The following SERPINB5 variants were observed in gnomAD, a reference collection of about 807,000 sequenced individuals.
SERPINB5 encodes the protein serpin B5.
Under a neutral mutation model 32.2 loss-of-function variants are expected in SERPINB5, and 27 were observed. The observed-to-expected ratio is 0.84, with a 90% confidence interval of 0.62 to 1.16. The LOEUF (loss-of-function observed/expected upper bound fraction) is 1.16. SERPINB5 is among the 50% of genes most tolerant of loss of function. The probability of loss-of-function intolerance (pLI) is 0.00; values close to 1 mark genes in which losing one functional copy is unlikely to be tolerated. For missense variants in SERPINB5, 388 were observed against 436.3 expected, an observed-to-expected ratio of 0.89 and a Z score of 0.99; for synonymous variants, 154 against 157.4, an observed-to-expected ratio of 0.98 and a Z score of 0.16.
intron 6 of SERPINB5, among the ~76,000 whole-genome samples, chr18:63,500,520 A>T (rs1409215032): frequency 1.3e-5 from 2 of 151,460 alleles, no homozygotes; most frequent in East Asian, 3.8e-4. Flanking sequence ...TTATTATATT[A>T]TTTTATTTAT....
chr18:63,503,984 T>C lies in SERPINB5; in HGVS notation c.*262T>C, dbSNP rs1909629127. 2.3e-6 allele frequency: 1 copy of C among 435,866 alleles called. No homozygotes were observed. 27.0% of individuals were successfully genotyped at this position (435,866 alleles called of 1,614,324 possible). On this transcript the variant is annotated 3_prime_UTR_variant, in exon 7 of 7. Transcript: ENST00000382771. The stretch of plus-strand genomic sequence containing the variant: ...AATCACGTTAGAGGAAAAATATTTA[T>C]TCATTATTTGTCAAATTGTCCGGGG...
chr18:63,487,386 A>C (rs574100989), intron 3 of SERPINB5, among the ~76,000 whole-genome samples: 16 of 152,124 alleles, frequency 1.1e-4, no homozygotes, highest in Non-Finnish European at 2.2e-4. Context: ...CTCTCTAATA[A>C]ATGTAGCTCC....
intron 4 of SERPINB5, chr18:63,490,873 T>C (rs1428515642): frequency 6.6e-6 from 1 of 152,232 alleles, no homozygotes; most frequent in African/African-American, 2.4e-5. Flanking sequence ...TGGTTTTTGG[T>C]TACATGGATA....
At position 63,498,200 on chromosome 18, in the gene SERPINB5, C is replaced by T. The variant is rs1488714108; in HGVS notation, c.568-920C>T. On this transcript the variant is annotated intron_variant, in intron 5 of 6. Transcript: ENST00000382771. The surrounding 1 kb of genome is among the most constrained non-coding windows in gnomAD (Gnocchi z 4.2). ...TGGCTCCCAGGCTCAAGCAATTCTC[C>T]TCCCTCAGTTTCCCAAGAAGCTGAG... 2.6e-5 allele frequency among the ~76,000 whole-genome samples: 4 copies of T among 152,136 alleles called. No homozygotes were observed. Among genetic ancestry groups the T allele is most frequent in the African/African-American group, 9.7e-5 (4 of 41,430 alleles).
chr18:63,503,550 T>C lies in SERPINB5; in HGVS notation c.956T>C (p.Ile319Thr). 1.2e-6 allele frequency: 2 copies of C among 1,614,248 alleles called. No individual in the cohort carries two copies. Among genetic ancestry groups the C allele is most frequent in the Non-Finnish European group, 1.7e-6 (2 of 1,180,030 alleles). Reference sequence around the variant, plus strand: ...AAGGGAGTGGCCCTATCAAATGTTATCCACAAAGTGTGCTTAGAAATAACT... The same window carrying C: ...AAGGGAGTGGCCCTATCAAATGTTACCCACAAAGTGTGCTTAGAAATAACT... Reference protein sequence around the residue: ...ETKGVALSNVIHKVCLEITED... With the variant: ...ETKGVALSNVTHKVCLEITED... Residue 319 changes from isoleucine to threonine, a missense_variant, in exon 7 of 7, where the codon ATC becomes ACC. Ile to Thr is a moderately conservative substitution (Grantham distance 89). Transcript: ENST00000382771.
chr18:63,489,251 A>G (rs1164575668), intron 3 of SERPINB5, 96 bp from the exon 4 acceptor site: 5 of 680,024 alleles, frequency 7.4e-6, no homozygotes, highest in Non-Finnish European at 1.3e-5. Context: ...AAGTGTACAT[A>G]TAGCAGTTGA....
Position 63,503,343 on chromosome 18 carries a change from T to C in SERPINB5, c.749T>C (p.Leu250Pro), listed in dbSNP as rs752388583. Residue 250 changes from leucine (L) to proline (P), a missense_variant, in exon 7 of 7, where the codon CTC (leucine) becomes CCC (proline). Leu to Pro is a moderately conservative substitution (Grantham distance 98). Coordinates refer to ENST00000382771, the MANE Select transcript of SERPINB5 (RefSeq NM_002639.5). ...STGLEKIEKQ[L>P]NSESLSQWTN... ...TTTGTCCTTCAGATTGAAAAACAAC[T>C]CAACTCAGAGTCACTGTCACAGTGG... The C allele has an allele frequency of 1.9e-6, 3 of 1,609,776 alleles. No homozygotes were observed. Among genetic ancestry groups the C allele is most frequent in the East Asian group, 4.5e-5 (2 of 44,884 alleles).
At chr18:63,488,512 G>C (rs1441809516) in intron 3 of SERPINB5, among the ~76,000 whole-genome samples, 1 of 152,054 alleles carries the variant, frequency 6.6e-6, no homozygotes, top group African/African-American at 2.4e-5. Flanking sequence ...GCTTTCCATT[G>C]CTCCTGCTAG....
In SERPINB5 at chr18:63,480,442, GA is replaced by G. The variant is rs904772188; in HGVS notation, c.-8+3405del. On this transcript the variant is annotated intron_variant, in intron 1 of 6. Transcript: ENST00000382771. Reference sequence around the variant, plus strand: ...GACCCTTGTGACAAGGCAACAGAATGAAAAAAAATTTGTAGCAATTTTAGCA... The same window carrying G: ...GACCCTTGTGACAAGGCAACAGAATGAAAAAAATTTGTAGCAATTTTAGCA... Among the ~76,000 whole-genome samples, 54 of 148,626 alleles carry G rather than the reference GA, an allele frequency of 3.6e-4. 1 individual carries two copies. Among genetic ancestry groups the G allele is most frequent in the Admixed American group, 1.6e-3 (24 of 15,168 alleles).
chr18:63,490,806 T>A (rs566491842), intron 4 of SERPINB5: 1 of 152,352 alleles, frequency 6.6e-6, no homozygotes, highest in Non-Finnish European at 1.5e-5. Context: ...GTTACCTGAT[T>A]TAATTTTTAA....
intron 5 of SERPINB5, among the ~76,000 whole-genome samples, chr18:63,494,786 T>A (rs968872005): frequency 4.6e-5 from 7 of 152,170 alleles, no homozygotes; most frequent in Non-Finnish European, 8.8e-5. Flanking sequence ...CACAGTGAAA[T>A]CTGTTTACTT....
At chr18:63,479,315 C>G (rs1382014116) in intron 1 of SERPINB5, among the ~76,000 whole-genome samples, 2 of 152,086 alleles carry the variant, frequency 1.3e-5, no homozygotes, top group Non-Finnish European at 2.9e-5. Context: ...CCTAAATGGT[C>G]TAAAGACAAA....
Position 63,484,482 on chromosome 18 carries a change from A to C in SERPINB5, c.54A>C (p.Gln18His). The change falls in exon 2 of 7, where the codon CAA becomes CAC. Residue 18 changes from glutamine to histidine, a missense_variant. By Grantham distance (24) the Gln-to-His change is conservative. Transcript: ENST00000382771. ...CTTTTGCCGTTGATCTGTTCAAACAACTATGTGAAAAGGAGCCACTGGGCA... is the reference window on the plus strand; with the variant it reads ...CTTTTGCCGTTGATCTGTTCAAACACCTATGTGAAAAGGAGCCACTGGGCA... ...NSAFAVDLFK[Q>H]LCEKEPLGNV... The C allele has an allele frequency of 6.2e-7, 1 of 1,614,172 alleles. No homozygotes were observed.
rs944120769 is a variant in SERPINB5 at position 63,503,427 on chromosome 18, T to G, written c.833T>G (p.Val278Gly). Residue 278 changes from valine (V) to glycine (G), a missense_variant, in exon 7 of 7, where the codon GTG becomes GGG. Val to Gly is a moderately radical substitution (Grantham distance 109). Transcript: ENST00000382771. ...KVKLSIPKFK[V>G]EKMIDPKACL... Reference sequence around the variant, plus strand: ...AAACTCTCCATTCCAAAATTTAAGGTGGAAAAGATGATTGATCCCAAGGCT... The same window carrying G: ...AAACTCTCCATTCCAAAATTTAAGGGGGAAAAGATGATTGATCCCAAGGCT... 1.9e-6 allele frequency: 3 copies of G among 1,614,080 alleles called. No individual in the cohort carries two copies. Among genetic ancestry groups the G allele is most frequent in the Non-Finnish European group, 2.5e-6 (3 of 1,180,046 alleles).
At chr18:63,484,637 AGTT>A in intron 2 of SERPINB5, 41 bp downstream of exon 2, 1 of 1,580,558 alleles carries the variant, frequency 6.3e-7, no homozygotes, top group African/African-American at 1.4e-5. Context: ...GTGGGAATAC[AGTT>A]ATTAGAACCC....
chr18:63,478,177 C>T (rs1040215491), intron 1 of SERPINB5, among the ~76,000 whole-genome samples: 7 of 152,294 alleles, frequency 4.6e-5, no homozygotes, highest in African/African-American at 1.2e-4. Flanking sequence ...TGCTTCCTAA[C>T]GCCTTGAATT....
intron 6 of SERPINB5, among the ~76,000 whole-genome samples, chr18:63,499,548 C>T (rs1909528304): frequency 6.6e-6 from 1 of 152,166 alleles, no homozygotes; most frequent in South Asian, 2.1e-4. Context: ...ATTCTTACAG[C>T]AGGCTGATGA....
At chr18:63,485,792 T>C (rs576790105) in intron 2 of SERPINB5, 1 of 152,944 alleles carries the variant, frequency 6.5e-6, no homozygotes, top group African/African-American at 2.4e-5. Flanking sequence ...GCATGAGAGT[T>C]ATGCACTGTC....
chr18:63,488,123 G>C (rs1707363394), intron 3 of SERPINB5, among the ~76,000 whole-genome samples: 1 of 152,136 alleles, frequency 6.6e-6, no homozygotes, highest in Admixed American at 6.5e-5. Context: ...ATTGCTGGCA[G>C]TGAGGACAAT....
Sources: gnomAD v4.1 joint callset for allele counts (sites outside exome capture counted in the v4.1 genomes callset) on GRCh38, gnomAD v4.1.1 for gene constraint, Gnocchi (gnomAD v3.1) non-coding constraint, MANE v1.5 for transcripts, NCBI Gene and HGNC (gene_info 2026-07-23, HGNC 2026-07-21) for gene names.